UTY: variants seen among roughly 807,000 people sequenced by gnomAD.
The protein encoded by UTY is ubiquitously transcribed tetratricopeptide repeat containing, Y-linked.
UTY carries 12 observed loss-of-function variants against 32.5 expected under a neutral mutation model. The ratio of observed to expected loss-of-function variants is 0.37; its 90% confidence interval spans 0.24 to 0.60. UTY has a LOEUF of 0.60. Among genes scored for constraint, UTY ranks in the 20% least tolerant of loss-of-function variants. UTY has a pLI of 0.69. For synonymous variants in UTY, 131 were observed against 103.4 expected (o/e 1.27, Z -1.62); for missense variants, 303 against 299.2 (o/e 1.01, Z -0.09).
intron 21 of UTY, among the ~76,000 whole-genome samples, chrY:13,319,451 C>G: frequency 3.0e-5 from 1 of 33,444 alleles, no homozygotes; most frequent in Non-Finnish European, 7.4e-5. Context: ...ACACTGAAGC[C>G]TCATCTTCAA....
chrY:13,275,900 T>C (rs2056645146), intron 27 of UTY, among the ~76,000 whole-genome samples: 1 of 33,943 alleles, frequency 2.9e-5, no homozygotes. Flanking sequence ...ATTAGAAAGA[T>C]ATATTTTTAA....
intron 10 of UTY, among the ~76,000 whole-genome samples, chrY:13,361,205 A>T: frequency 3.0e-5 from 1 of 33,275 alleles, no homozygotes; most frequent in Non-Finnish European, 7.4e-5. Context: ...TTGATCACTC[A>T]ATCTCTTCTA....
intron 16 of UTY, 135 bp downstream of exon 16, chrY:13,355,788 C>T: frequency 3.8e-6 from 1 of 261,674 alleles, no homozygotes; most frequent in Non-Finnish European, 5.5e-6. Flanking sequence ...ATATGTAAAA[C>T]TCAGATATAT....
chrY:13,294,101 G>C (rs768391971), intron 27 of UTY, among the ~76,000 whole-genome samples: 2 of 33,487 alleles, frequency 6.0e-5, no homozygotes, highest in South Asian at 1.3e-3. Flanking sequence ...TTTTAGAAGA[G>C]AGAAAGTCTT....
intron 15 of UTY, among the ~76,000 whole-genome samples, chrY:13,357,130 T>C: frequency 6.1e-5 from 2 of 32,864 alleles, no homozygotes; most frequent in African/African-American, 1.2e-4. Context: ...ACTAAGATCC[T>C]AAAATATTTG....
At chrY:13,343,008 G>C (rs2061605241) in intron 17 of UTY, among the ~76,000 whole-genome samples, 1 of 33,642 alleles carries the variant, frequency 3.0e-5, no homozygotes, top group Non-Finnish European at 7.4e-5. Context: ...CCCCTCCTGT[G>C]GGGAAAAGAG....
intron 18 of UTY, among the ~76,000 whole-genome samples, chrY:13,331,175 C>T: frequency 3.0e-5 from 1 of 33,862 alleles, no homozygotes; most frequent in South Asian, 6.5e-4. Context: ...ATAGGACAAA[C>T]TGCCTCCTCA....
At chrY:13,454,764 C>A (rs2076626749) in intron 3 of UTY, among the ~76,000 whole-genome samples, 2 of 30,269 alleles carry the variant, frequency 6.6e-5, no homozygotes, top group Non-Finnish European at 1.6e-4. Context: ...ATGGCAAAAC[C>A]CTGTCTCTAC....
chrY:13,421,270 TTGG>T, intron 4 of UTY, among the ~76,000 whole-genome samples: 1 of 33,291 alleles, frequency 3.0e-5, no homozygotes, highest in East Asian at 7.9e-4. Flanking sequence ...TTACACACCC[TTGG>T]TGGGAGTGTA....
At chrY:13,251,590 C>T in intron 28 of UTY, among the ~76,000 whole-genome samples, 2 of 33,292 alleles carry the variant, frequency 6.0e-5, no homozygotes. Flanking sequence ...GTCTGAAGGA[C>T]TGCGTTCCCC....
intron 4 of UTY, among the ~76,000 whole-genome samples, chrY:13,436,463 G>C: frequency 3.0e-5 from 1 of 32,895 alleles, no homozygotes; most frequent in Non-Finnish European, 7.5e-5. Context: ...AAGTCAAGCG[G>C]GGTCTGGCGT....
intron 4 of UTY, among the ~76,000 whole-genome samples, chrY:13,419,634 C>T: frequency 3.0e-5 from 1 of 33,454 alleles, no homozygotes. Flanking sequence ...CAAGGTCTTG[C>T]TCTGTCAACC....
chrY:13,460,949 C>T, intron 3 of UTY, among the ~76,000 whole-genome samples: 3 of 32,524 alleles, frequency 9.2e-5, no homozygotes, highest in African/African-American at 3.6e-4. Flanking sequence ...ATGTTGTACA[C>T]GAGAAAGATA....
chrY:13,356,594 C>G, intron 15 of UTY, among the ~76,000 whole-genome samples: 1 of 28,991 alleles, frequency 3.4e-5, no homozygotes, highest in Non-Finnish European at 8.2e-5. Context: ...GTCAGGAGAT[C>G]GTGACCATCC....
intron 6 of UTY, among the ~76,000 whole-genome samples, chrY:13,405,538 T>C (rs1014751152): frequency 9.4e-5 from 3 of 31,959 alleles, no homozygotes; most frequent in African/African-American, 3.6e-4. Flanking sequence ...AGCAATATTA[T>C]ATAGTGTGTA....
chrY:13,443,358 G>A (rs1327253696), intron 4 of UTY, among the ~76,000 whole-genome samples: 1 of 32,974 alleles, frequency 3.0e-5, no homozygotes, highest in Non-Finnish European at 7.5e-5. Flanking sequence ...GTCCAGCTTC[G>A]AGGTTGACTG....
intron 4 of UTY, among the ~76,000 whole-genome samples, chrY:13,445,244 AATATATATATAT>A (rs60043171): frequency 5.7e-4 from 3 of 5,232 alleles, no homozygotes; most frequent in African/African-American, 7.1e-4. Context: ...TTTTTAAAAT[AATATATATATAT>A]ATATATATAT....
intron 3 of UTY, among the ~76,000 whole-genome samples, chrY:13,463,463 C>A (rs759959906): frequency 8.6e-4 from 29 of 33,588 alleles, no homozygotes; most frequent in African/African-American, 3.4e-3. Flanking sequence ...AATGGTTGAA[C>A]TAGTTTACAG....
At chrY:13,421,191 T>C in intron 4 of UTY, among the ~76,000 whole-genome samples, 1 of 32,957 alleles carries the variant, frequency 3.0e-5, no homozygotes, top group Non-Finnish European at 7.5e-5. Flanking sequence ...CTCACACCAA[T>C]CAGAATGGCT....
Sources: allele counts gnomAD v4.1 joint callset (sites outside exome capture counted in the v4.1 genomes callset), GRCh38; gene constraint gnomAD v4.1.1; transcripts MANE v1.5; gene names NCBI Gene and HGNC (gene_info 2026-07-23, HGNC 2026-07-21).